The following AFF3 variants were observed in gnomAD, a reference collection of about 807,000 sequenced individuals.
AFF3 encodes AF4/FMR2 family member 3.
Under a neutral mutation model 129.7 loss-of-function variants are expected in AFF3, and 32 were observed. That is an observed-to-expected ratio of 0.25 (90% CI 0.19 to 0.33). AFF3 has a LOEUF of 0.33. AFF3 is among the 10% of genes least tolerant of loss of function. The pLI is 1.00. For missense variants in AFF3, 1,373 were observed against 1,592.0 expected, an observed-to-expected ratio of 0.86 and a Z score of 2.34; for synonymous variants, 644 against 635.4, an observed-to-expected ratio of 1.01 and a Z score of -0.20.
chr2:99,810,593 A>C (rs1246668887), intron 8 of AFF3, among the ~76,000 whole-genome samples: 1 of 152,192 alleles, frequency 6.6e-6, no homozygotes, highest in African/African-American at 2.4e-5. Flanking sequence ...GGGCCTTTTA[A>C]AGTAGTATCT....
intron 7 of AFF3, among the ~76,000 whole-genome samples, chr2:99,929,530 AT>A (rs1355803582): frequency 6.6e-6 from 1 of 152,134 alleles, no homozygotes; most frequent in Non-Finnish European, 1.5e-5. Context: ...ATTTATTTTT[AT>A]TTATTAATGA....
chr2:99,761,658 C>G (rs1433656252), intron 8 of AFF3, among the ~76,000 whole-genome samples: 2 of 152,198 alleles, frequency 1.3e-5, no homozygotes, highest in Admixed American at 1.3e-4. Context: ...CTATGAAGAC[C>G]TGCAAAGTCT....
At chr2:99,651,097 T>TG (rs1480282014) in intron 12 of AFF3, among the ~76,000 whole-genome samples, 4 of 145,892 alleles carry the variant, frequency 2.7e-5, no homozygotes, top group African/African-American at 5.1e-5. Context: ...TGCTTGAACT[T>TG]GGGGGGCGGA....
intron 12 of AFF3, among the ~76,000 whole-genome samples, chr2:99,672,307 C>T (rs1575657630): frequency 6.6e-6 from 1 of 151,884 alleles, no homozygotes; most frequent in African/African-American, 2.4e-5. Context: ...CCTTGTAATA[C>T]CCATTGCTGG....
In AFF3 at chr2:99,988,015, C is replaced by G. The variant is rs141101989; in HGVS notation, c.873+18617G>C. Among the ~76,000 whole-genome samples the G allele has an allele frequency of 3.5e-3, 530 of 152,198 alleles. 3 individuals are homozygous for G. Among genetic ancestry groups the G allele is most frequent in the African/African-American group, 0.011 (476 of 41,532 alleles). ...TATAAAGATGAATAAGAGAGCATGC[C>G]AGCCCTCCAGGAGCACGCAGAACAA... On this transcript the variant is annotated intron_variant, in intron 7 of 24. Transcript: ENST00000672756.
chr2:99,559,740 C>T (rs1675295671), intron 21 of AFF3, among the ~76,000 whole-genome samples: 1 of 152,226 alleles, frequency 6.6e-6, no homozygotes, highest in Non-Finnish European at 1.5e-5. Context: ...ATGGCACCAT[C>T]TCCTCCTACC....
intron 7 of AFF3, among the ~76,000 whole-genome samples, chr2:99,954,724 A>G (rs1676467961): frequency 7.6e-6 from 1 of 130,982 alleles, no homozygotes; most frequent in Admixed American, 9.4e-5. Flanking sequence ...ATGAGAACAC[A>G]TGGACACAGG....
intron 14 of AFF3, among the ~76,000 whole-genome samples, chr2:99,595,161 C>T (rs796546278): frequency 3.3e-5 from 5 of 152,162 alleles, no homozygotes; most frequent in African/African-American, 7.2e-5. Context: ...CTCTAAGAAT[C>T]TATGTCTCAG....
chr2:99,915,510 G>A (rs1376132866), intron 7 of AFF3, among the ~76,000 whole-genome samples: 3 of 152,164 alleles, frequency 2.0e-5, no homozygotes, highest in Non-Finnish European at 4.4e-5. Context: ...AAAAGCCAGG[G>A]AGGGGAGTTC....
rs192553511 is a variant in AFF3 at position 99,970,477 on chromosome 2, C to T, written c.873+36155G>A. Among the ~76,000 whole-genome samples the T allele has an allele frequency of 3.3e-5, 5 of 152,298 alleles. No homozygotes were observed. The East Asian group carries it at 7.7e-4, about 23-fold the overall frequency. On this transcript the variant is annotated intron_variant, in intron 7 of 24. Transcript: ENST00000672756. ...ATATCTCTATTTCATCATCACCCAC[C>T]CACACACTTTGACTTCCTTCATGAG...
chr2:99,651,058 A>T (rs1476569715), intron 12 of AFF3, among the ~76,000 whole-genome samples: 1 of 151,474 alleles, frequency 6.6e-6, no homozygotes, highest in Non-Finnish European at 1.5e-5. Flanking sequence ...CTGTAATTCC[A>T]GCTACTCGGG....
intron 8 of AFF3, among the ~76,000 whole-genome samples, chr2:99,816,343 T>C (rs1435712603): frequency 1.3e-5 from 2 of 152,234 alleles, no homozygotes; most frequent in African/African-American, 4.8e-5. Flanking sequence ...TCAAATCTAA[T>C]TCTACTTCTG....
intron 4 of AFF3, chr2:100,011,434 G>A (rs532202004): frequency 3.8e-6 from 3 of 780,122 alleles, no homozygotes; most frequent in Non-Finnish European, 7.2e-6. Context: ...AGATGGAGCA[G>A]GCAGGTGGTC....
chr2:99,883,098 A>C (rs1692841520), intron 7 of AFF3, among the ~76,000 whole-genome samples: 1 of 152,218 alleles, frequency 6.6e-6, no homozygotes, highest in South Asian at 2.1e-4. Flanking sequence ...GATATCAATA[A>C]ATTGTTTTAT....
At chr2:99,733,514 CTTTA>C (rs780118858) in intron 10 of AFF3, among the ~76,000 whole-genome samples, 22 of 151,208 alleles carry the variant, frequency 1.5e-4, no homozygotes, top group Admixed American at 3.9e-4. Context: ...AGATAATTTT[CTTTA>C]TTTGACACTT....
intron 7 of AFF3, among the ~76,000 whole-genome samples, chr2:99,926,210 G>A (rs867964978): frequency 1.3e-5 from 2 of 152,230 alleles, no homozygotes; most frequent in Non-Finnish European, 2.9e-5. Context: ...GGAAAGGAAA[G>A]CGAGAGAGCT....
intron 4 of AFF3, among the ~76,000 whole-genome samples, chr2:100,068,637 A>G (rs1687920472): frequency 6.6e-6 from 1 of 152,340 alleles, no homozygotes; most frequent in East Asian, 1.9e-4. Flanking sequence ...CTCAGAGTAG[A>G]GCAGAGCTTG....
chr2:99,648,566 T>C (rs1417496167), intron 13 of AFF3, among the ~76,000 whole-genome samples: 1 of 152,096 alleles, frequency 6.6e-6, no homozygotes, highest in African/African-American at 2.4e-5. Context: ...GAAGGTTTTG[T>C]AATTGAAATA....
intron 11 of AFF3, among the ~76,000 whole-genome samples, chr2:99,674,040 C>T (rs914393086): frequency 6.6e-6 from 1 of 152,196 alleles, no homozygotes; most frequent in Non-Finnish European, 1.5e-5. Context: ...CTAGAGAATA[C>T]AACGGAGAAA....
Sources: gnomAD v4.1 joint callset for allele counts (sites outside exome capture counted in the v4.1 genomes callset) on GRCh38, gnomAD v4.1.1 for gene constraint, MANE v1.5 for transcripts, NCBI Gene and HGNC (gene_info 2026-07-23, HGNC 2026-07-21) for gene names.